The following LANCL3 variants were observed in gnomAD, a reference collection of about 807,000 sequenced individuals.
The protein encoded by LANCL3 is lanC-like protein 3.
Under a neutral mutation model 26.5 loss-of-function variants are expected in LANCL3, and 19 were observed. The observed-to-expected ratio is 0.72, with a 90% CI of 0.50 to 1.05. The LOEUF (loss-of-function observed/expected upper bound fraction) is 1.05. Among genes scored for constraint, LANCL3 ranks in the 50% least tolerant of loss-of-function variants. The pLI, the probability that LANCL3 is intolerant of heterozygous loss-of-function variation, is 0.00. For synonymous variants in LANCL3, 160 were observed against 166.6 expected, an observed-to-expected ratio of 0.96 and a Z score of 0.30; for missense variants, 318 against 362.7, an observed-to-expected ratio of 0.88 and a Z score of 1.00.
At chrX:37,631,294 G>A (rs1165182953) in intron 1 of LANCL3, among the ~76,000 whole-genome samples, 1 of 111,510 alleles carries the variant, frequency 9.0e-6, no homozygotes, top group African/African-American at 3.3e-5. Context: ...GATTGGTGGT[G>A]ATATCCCCTA....
chrX:37,632,920 C>T, intron 1 of LANCL3, among the ~76,000 whole-genome samples: 1 of 111,169 alleles, frequency 9.0e-6, no homozygotes, highest in Non-Finnish European at 1.9e-5. Flanking sequence ...GTGAATCTGA[C>T]AATTATGTGT....
chrX:37,575,726 C>T (rs782781462), intron 1 of LANCL3, among the ~76,000 whole-genome samples: 14 of 112,020 alleles, frequency 1.2e-4, no homozygotes, highest in Middle Eastern at 4.8e-3. Flanking sequence ...CCTGATGTTG[C>T]GGTAGAGCAT....
intron 1 of LANCL3, among the ~76,000 whole-genome samples, chrX:37,610,709 A>G (rs1377245533): frequency 1.8e-5 from 2 of 112,185 alleles, no homozygotes; most frequent in African/African-American, 6.5e-5. Flanking sequence ...CAGTCAAAAA[A>G]GAATTAAATA....
chrX:37,587,578 C>T (rs1165203211), intron 1 of LANCL3, among the ~76,000 whole-genome samples: 1 of 112,906 alleles, frequency 8.9e-6, no homozygotes, highest in African/African-American at 3.2e-5. Flanking sequence ...GCTCCGTGGG[C>T]GTGGGGCCCT....
rs1926818635 is a variant in LANCL3, at chrX:37,676,755, C to G, written c.*942C>G. 8.9e-6 allele frequency: 1 copy of G among 111,764 alleles called. No homozygotes were observed. The highest frequency in any genetic ancestry group is 3.3e-5 in the African/African-American group (1 of 30,766). The allele number at this position is 111,764 out of a possible 1,213,427, so 9.2% of individuals were successfully genotyped here. A position where few individuals can be genotyped will look rare whatever the true frequency, so the allele number is the denominator to read the frequency against. ...CATTTCTGCCTTTGTTTGGGACAGG[C>G]AGACAGGCTGAGGAAGTCACCAGTG... On this transcript the variant is annotated 3_prime_UTR_variant, in exon 5 of 5. Transcript: ENST00000378619.
chrX:37,648,598 A>G (rs1926046426), intron 1 of LANCL3, among the ~76,000 whole-genome samples: 1 of 112,430 alleles, frequency 8.9e-6, no homozygotes, highest in African/African-American at 3.2e-5. Flanking sequence ...AACAAAAGCC[A>G]AAATTGACAA....
rs782091669 is a variant in LANCL3 at position 37,651,735 on chromosome X, A to G, written c.574-3953A>G. ...TCATTTACATTAGGTATATCTCCTAATGCTATCCCTCCTCCCTCCCCCAAC... is the reference window on the plus strand; with the variant it reads ...TCATTTACATTAGGTATATCTCCTAGTGCTATCCCTCCTCCCTCCCCCAAC... On this transcript the variant is annotated intron_variant, in intron 1 of 4. Transcript: ENST00000378619. Among the ~76,000 whole-genome samples the G allele has an allele frequency of 1.7e-4, 19 of 110,707 alleles. No individual in the cohort carries two copies. In the Admixed American group the frequency reaches 1.8e-3, roughly 11 times the overall value.
chrX:37,682,003 G>T lies in LANCL3; in HGVS notation c.*6190G>T, dbSNP rs1413237673. 1 of 112,481 alleles carries T rather than the reference G, an allele frequency of 8.9e-6. No individual in the cohort carries two copies. The highest frequency in any genetic ancestry group is 3.2e-5 in the African/African-American group (1 of 30,893). The allele number at this position is 112,481 out of a possible 1,213,427, so 9.3% of individuals were successfully genotyped here. On this transcript the variant is annotated 3_prime_UTR_variant, in exon 5 of 5. Coordinates refer to ENST00000378619, the MANE Select transcript of LANCL3 (RefSeq NM_001170331.2). ...CTAAAAAGATGTGGGGGTGTGGTGG[G>T]GGATATGTGAATGTGTATATGTGTA... is the stretch of plus-strand genomic sequence containing the variant.
rs372928147 is a variant in LANCL3, at chrX:37,607,129, G to A, written c.573+34686G>A. On this transcript the variant is annotated intron_variant, in intron 1 of 4. Transcript: ENST00000378619. Reference sequence around the variant, plus strand: ...TTTTGACATTTATGTCAGCAATTTCGCAGTTTCTTCTTCTAATGTTTATTT... The same window carrying A: ...TTTTGACATTTATGTCAGCAATTTCACAGTTTCTTCTTCTAATGTTTATTT... Among the ~76,000 whole-genome samples, 19 of 112,211 alleles carry A rather than the reference G, an allele frequency of 1.7e-4. No homozygotes were observed. The South Asian group carries it at 2.2e-3, about 13-fold the overall frequency.
intron 1 of LANCL3, among the ~76,000 whole-genome samples, chrX:37,654,404 C>T (rs1429452447): frequency 1.8e-5 from 2 of 112,312 alleles, no homozygotes; most frequent in Non-Finnish European, 3.8e-5. Flanking sequence ...CAAAATCCAA[C>T]GGACTTTTTA....
At chrX:37,646,084 C>G (rs1170670440) in intron 1 of LANCL3, among the ~76,000 whole-genome samples, 6 of 112,530 alleles carry the variant, frequency 5.3e-5, no homozygotes, top group Non-Finnish European at 7.5e-5. Flanking sequence ...CTTTACAGTA[C>G]TACTTTTAGG....
At position 37,583,579 on chromosome X, in the gene LANCL3, A is replaced by G. The variant is rs1444263525; in HGVS notation, c.573+11136A>G. Among the ~76,000 whole-genome samples the G allele has an allele frequency of 5.4e-5, 6 of 111,716 alleles. No individual in the cohort carries two copies. In the East Asian group the frequency reaches 1.4e-3, roughly 26 times the overall value. On this transcript the variant is annotated intron_variant, in intron 1 of 4. Coordinates refer to ENST00000378619, the MANE Select transcript of LANCL3 (RefSeq NM_001170331.2). ...TAGGTATTTTATTCTCTTTGAAGCA[A>G]TTGTGAATGGGAGTTCACTCATGAT... is the stretch of plus-strand genomic sequence containing the variant.
intron 3 of LANCL3, among the ~76,000 whole-genome samples, chrX:37,662,192 C>G (rs782631611): frequency 7.1e-4 from 80 of 112,062 alleles, no homozygotes; most frequent in African/African-American, 2.4e-3. Context: ...GCTTTTTTCT[C>G]AATAAGTGCA....
intron 1 of LANCL3, among the ~76,000 whole-genome samples, chrX:37,655,012 T>C (rs1051807593): frequency 4.4e-5 from 5 of 112,787 alleles, no homozygotes; most frequent in African/African-American, 1.6e-4. Context: ...CTTTGAAGGC[T>C]TGAGAACCGT....
intron 1 of LANCL3, among the ~76,000 whole-genome samples, chrX:37,638,794 A>C (rs781833866): frequency 7.7e-4 from 85 of 110,043 alleles, no homozygotes; most frequent in African/African-American, 1.6e-3. Flanking sequence ...CATTCACCCC[A>C]CACACACACA....
chrX:37,605,605 T>G (rs1394136082), intron 1 of LANCL3, among the ~76,000 whole-genome samples: 5 of 111,710 alleles, frequency 4.5e-5, no homozygotes, highest in Admixed American at 1.9e-4. Flanking sequence ...TCCCCTAGGC[T>G]TCTACTGCTT....
chrX:37,574,282 G>T (rs1273618703), intron 1 of LANCL3, among the ~76,000 whole-genome samples: 2 of 111,190 alleles, frequency 1.8e-5, no homozygotes, highest in African/African-American at 6.6e-5. Flanking sequence ...GCCAGCACAG[G>T]ACTTTGTCCT....
rs34987799 is a variant in LANCL3, at chrX:37,574,054, C to CAAAAAAAAAAAAAAAA, written c.573+1617_573+1632dup. Among the ~76,000 whole-genome samples the CAAAAAAAAAAAAAAAA allele has an allele frequency of 9.6e-4, 32 of 33,412 alleles. 3 individuals carry two copies. Among genetic ancestry groups the CAAAAAAAAAAAAAAAA allele is most frequent in the African/African-American group, 2.8e-3 (30 of 10,786 alleles). 29.0% of individuals were successfully genotyped at this position (33,412 alleles called of 115,157 possible). On this transcript the variant is annotated intron_variant, in intron 1 of 4. Transcript: ENST00000378619. ...GAGATGGAACAAGCTTCAAGGATAG[C>CAAAAAAAAAAAAAAAA]AAAAAAAAAAAAAAAAAAAAACCCA... is the stretch of plus-strand genomic sequence containing the variant.
intron 1 of LANCL3, among the ~76,000 whole-genome samples, chrX:37,622,479 CT>C (rs1201384116): frequency 9.1e-6 from 1 of 109,575 alleles, no homozygotes; most frequent in Admixed American, 9.7e-5. Context: ...ATTTTTTTAA[CT>C]TTCCCAAGTA....
Sources: gnomAD v4.1 joint callset for allele counts (sites outside exome capture counted in the v4.1 genomes callset) on GRCh38, gnomAD v4.1.1 for gene constraint, MANE v1.5 for transcripts, NCBI Gene and HGNC (gene_info 2026-07-23, HGNC 2026-07-21) for gene names.